DMD: variants seen among roughly 807,000 people sequenced by gnomAD.
DMD encodes the protein mutant dystrophin.
A neutral mutation model predicts 330.1 loss-of-function variants in DMD; 63 were observed. The ratio of observed to expected loss-of-function variants is 0.19; its 90% confidence interval spans 0.16 to 0.24. DMD has a LOEUF of 0.24. Among genes scored for constraint, DMD ranks in the 10% least tolerant of loss-of-function variants. The pLI is 1.00. For missense variants in DMD, 3,344 were observed against 2,684.1 expected, an observed-to-expected ratio of 1.25 and a Z score of -5.43; for synonymous variants, 1,223 against 959.8, an observed-to-expected ratio of 1.27 and a Z score of -5.07.
intron 11 of DMD, among the ~76,000 whole-genome samples, chrX:32,630,621 G>A (rs925680630): frequency 2.7e-5 from 3 of 110,896 alleles, no homozygotes; most frequent in Non-Finnish European, 5.7e-5. Context: ...CGTCTCTGAC[G>A]CATTCTTCAG....
At chrX:32,549,018 C>G (rs1255751990) in intron 16 of DMD, among the ~76,000 whole-genome samples, 1 of 111,732 alleles carries the variant, frequency 8.9e-6, no homozygotes, top group African/African-American at 3.2e-5. Flanking sequence ...ATTTAAGACT[C>G]TAAAATGATA....
intron 7 of DMD, among the ~76,000 whole-genome samples, chrX:32,718,731 TTTA>T (rs1243996380): frequency 5.3e-5 from 6 of 112,166 alleles, no homozygotes; most frequent in Non-Finnish European, 1.1e-4. Context: ...TGTTTTGCAT[TTTA>T]TTATTAATAT....
chrX:32,476,771 C>T (rs1169243351), intron 21 of DMD, among the ~76,000 whole-genome samples: 1 of 111,570 alleles, frequency 9.0e-6, no homozygotes, highest in Non-Finnish European at 1.9e-5. Flanking sequence ...GTATGAGCTG[C>T]CCCACCTACT....
At chrX:32,106,815 T>C (rs1255178527) in intron 44 of DMD, among the ~76,000 whole-genome samples, 1 of 111,922 alleles carries the variant, frequency 8.9e-6, no homozygotes, top group African/African-American at 3.2e-5. Context: ...ACTTGAGTAA[T>C]GCAATCAACT....
chrX:31,201,021 C>CCA (rs1430469107), intron 67 of DMD, among the ~76,000 whole-genome samples: 1 of 111,564 alleles, frequency 9.0e-6, no homozygotes, highest in Non-Finnish European at 1.9e-5. Context: ...GATTTCCCCC[C>CCA]AGTCTCATAG....
At chrX:32,558,262 C>G (rs772384237) in intron 16 of DMD, among the ~76,000 whole-genome samples, 1 of 111,531 alleles carries the variant, frequency 9.0e-6, no homozygotes, top group South Asian at 3.7e-4. Context: ...TTAACTGCAC[C>G]TGCAAAAATT....
rs183883311 is a variant in DMD, at chrX:32,130,945, G to A, written c.6438+85971C>T. 3.8e-4 allele frequency among the ~76,000 whole-genome samples: 43 copies of A among 111,864 alleles called. 1 individual carries two copies. The highest frequency in any genetic ancestry group is 2.1e-3 in the Admixed American group (22 of 10,594). On this transcript the variant is annotated intron_variant, in intron 44 of 78. Coordinates refer to ENST00000357033, the MANE Select transcript of DMD (RefSeq NM_004006.3). The stretch of plus-strand genomic sequence containing the variant: ...CATGCCCGTAATCCCAGCACTTTGG[G>A]AGGCCGTGGAGGGCAGATCACCTGA...
At chrX:31,752,051 A>C (rs935491666) in intron 51 of DMD, among the ~76,000 whole-genome samples, 2 of 109,954 alleles carry the variant, frequency 1.8e-5, no homozygotes, top group Admixed American at 1.9e-4. Flanking sequence ...TCTCTCTTTT[A>C]CTCTGCTTGT....
chrX:32,844,541 G>GAGC (rs750765265), intron 4 of DMD, among the ~76,000 whole-genome samples: 84 of 112,049 alleles, frequency 7.5e-4, no homozygotes, highest in African/African-American at 2.7e-3. Context: ...TGAAAACAGG[G>GAGC]AGCAGCCTAT....
intron 1 of DMD, among the ~76,000 whole-genome samples, chrX:33,217,731 T>C (rs1217177558): frequency 8.9e-6 from 1 of 111,879 alleles, no homozygotes; most frequent in African/African-American, 3.2e-5. Context: ...AACTTATTCA[T>C]CTTATATAAA....
intron 1 of DMD, among the ~76,000 whole-genome samples, chrX:33,321,581 C>T (rs1443386660): frequency 9.0e-6 from 1 of 111,233 alleles, no homozygotes; most frequent in African/African-American, 3.3e-5. Context: ...TCTTAAGGGC[C>T]CTAGGATTTT....
chrX:32,679,196 TTA>T (rs1313261171), intron 9 of DMD, among the ~76,000 whole-genome samples: 3 of 112,176 alleles, frequency 2.7e-5, no homozygotes, highest in African/African-American at 9.7e-5. Context: ...ATTTCTACAG[TTA>T]TATGTTTTGC....
chrX:31,698,312 T>C (rs759900912), intron 52 of DMD, among the ~76,000 whole-genome samples: 96 of 112,082 alleles, frequency 8.6e-4, no homozygotes, highest in Non-Finnish European at 1.6e-3. Flanking sequence ...AAACTATTTG[T>C]TGGGATCAGG....
intron 1 of DMD, among the ~76,000 whole-genome samples, chrX:33,288,348 C>T (rs762332248): frequency 9.0e-6 from 1 of 111,493 alleles, no homozygotes; most frequent in African/African-American, 3.3e-5. Context: ...TGTGGTCATC[C>T]AGTTTTTGAA....
At chrX:32,389,933 C>T (rs1187224934) in intron 31 of DMD, 138 bp downstream of exon 31, 3 of 556,824 alleles carry the variant, frequency 5.4e-6, no homozygotes, top group African/African-American at 4.6e-5. Context: ...GAGCAAAACA[C>T]TCATTGTTTA....
At chrX:31,949,752 GTCTT>G (rs752423098) in intron 45 of DMD, among the ~76,000 whole-genome samples, 74 of 110,924 alleles carry the variant, frequency 6.7e-4, no homozygotes, top group African/African-American at 1.6e-3. Context: ...GTTAATTTAT[GTCTT>G]TCTAAGAATT....
intron 70 of DMD, 127 bp from the exon 71 acceptor site, chrX:31,178,097 C>T: frequency 9.1e-7 from 1 of 1,097,635 alleles, no homozygotes; most frequent in South Asian, 2.0e-5. Flanking sequence ...AATAGCCAAA[C>T]CAAGGTGTAA....
intron 1 of DMD, among the ~76,000 whole-genome samples, chrX:33,182,709 G>A (rs749669578): frequency 8.9e-6 from 1 of 112,250 alleles, no homozygotes; most frequent in East Asian, 2.8e-4. Context: ...TTTCTAATTT[G>A]CATAAAGATA....
rs1004288266 is a variant in DMD, at chrX:32,545,062, T to C, written c.2168+97A>G. The C allele has an allele frequency of 3.5e-6, 3 of 858,543 alleles. No homozygotes were observed. In the African/African-American group the frequency reaches 6.0e-5, roughly 17 times the overall value. The allele number at this position is 858,543 out of a possible 1,213,427, so 70.8% of individuals were successfully genotyped here. A position where few individuals can be genotyped will look rare whatever the true frequency, so the allele number is the denominator to read the frequency against. On this transcript the variant is annotated intron_variant, in intron 17 of 78. Transcript: ENST00000357033. ...ACTGACATTACAGGTACCCGAGGAT[T>C]CTGGAAATATTGCTGAAGTGAAAAC... is the stretch of plus-strand genomic sequence containing the variant.
Sources: gnomAD v4.1 joint callset for allele counts (sites outside exome capture counted in the v4.1 genomes callset) on GRCh38, gnomAD v4.1.1 for gene constraint, MANE v1.5 for transcripts, NCBI Gene and HGNC (gene_info 2026-07-23, HGNC 2026-07-21) for gene names.